The following EED variants were observed in gnomAD, a reference collection of about 807,000 sequenced individuals.
EED encodes polycomb protein EED.
EED carries 9 observed loss-of-function variants against 61.0 expected under a neutral mutation model. The ratio of observed to expected loss-of-function variants is 0.15; its 90% CI spans 0.09 to 0.26. EED has a LOEUF of 0.26. EED is among the 10% of genes least tolerant of loss of function. The probability of loss-of-function intolerance (pLI) is 1.00; values close to 1 mark genes in which losing one functional copy is unlikely to be tolerated. For missense variants in EED, 315 were observed against 542.3 expected, an observed-to-expected ratio of 0.58 and a Z score of 4.16; for synonymous variants, 187 against 174.4, an observed-to-expected ratio of 1.07 and a Z score of -0.57.
At chr11:86,246,318 G>A (rs144571684) in intron 1 of EED, among the ~76,000 whole-genome samples, 2 of 152,336 alleles carry the variant, frequency 1.3e-5, no homozygotes, top group African/African-American at 4.8e-5. Context: ...TCCTTCTCAT[G>A]ATATATAACA....
chr11:86,286,739 G>A, the EED span, among the ~76,000 whole-genome samples: 1 of 151,962 alleles, frequency 6.6e-6, no homozygotes, highest in African/African-American at 2.4e-5. Flanking sequence ...TTGGGAGGCC[G>A]AGGCGGGCAG....
chr11:86,248,954 C>T (rs1004833437), intron 1 of EED, among the ~76,000 whole-genome samples: 2 of 151,952 alleles, frequency 1.3e-5, no homozygotes, highest in South Asian at 2.1e-4. Flanking sequence ...GTGGAGGTTG[C>T]GTTGAACCAA....
At position 86,255,227 on chromosome 11, in the gene EED, C is replaced by T. The variant is rs751817635; in HGVS notation, c.366C>T (p.Thr122=). 2 of 1,606,290 alleles carry T rather than the reference C, an allele frequency of 1.2e-6. No individual in the cohort carries two copies. Among genetic ancestry groups the T allele is most frequent in the Non-Finnish European group, 1.7e-6 (2 of 1,174,412 alleles). The change falls in exon 4 of 12, where the codon ACC becomes ACT. Residue 122 remains threonine (T), a synonymous_variant. Transcript: ENST00000263360. ...VFATVGSNRV[T]LYECHSQGEI... The stretch of plus-strand genomic sequence containing the variant: ...TGTATTTTTATTTTCATTAGGTTAC[C>T]TTGTATGAATGTCATTCACAAGGAG...
chr11:86,282,691 G>C (rs1946337194), downstream of EED, among the ~76,000 whole-genome samples: 1 of 152,074 alleles, frequency 6.6e-6, no homozygotes, highest in Admixed American at 6.5e-5. Flanking sequence ...TGCAGATCAG[G>C]GTGTTTTTTC....
chr11:86,257,185 TTG>T (rs71040223), intron 5 of EED, among the ~76,000 whole-genome samples: 78,401 of 143,196 alleles, frequency 0.55, 22,526 homozygotes, highest in Non-Finnish European at 0.67. Context: ...AATTTTTAAT[TTG>T]TGTGTGTGTG....
intron 9 of EED, among the ~76,000 whole-genome samples, chr11:86,273,888 G>A (rs866644382): frequency 2.0e-5 from 3 of 152,158 alleles, no homozygotes; most frequent in Non-Finnish European, 2.9e-5. Flanking sequence ...GTTTGAGTGC[G>A]ATATGACTTG....
chr11:86,246,401 T>A (rs1945392795), intron 1 of EED, among the ~76,000 whole-genome samples: 1 of 152,256 alleles, frequency 6.6e-6, no homozygotes, highest in African/African-American at 2.4e-5. Flanking sequence ...TTTCTCAGTT[T>A]GGCTAGTTTT....
intron 10 of EED, chr11:86,277,555 A>G (rs761066179): frequency 1.1e-5 from 2 of 181,280 alleles, no homozygotes; most frequent in Admixed American, 6.2e-5. Flanking sequence ...TATTGTTAGG[A>G]TTTTCTGGTA....
chr11:86,287,517 A>G, the EED span, among the ~76,000 whole-genome samples: 2 of 152,202 alleles, frequency 1.3e-5, no homozygotes, highest in Non-Finnish European at 2.9e-5. Flanking sequence ...CTGATGTGGA[A>G]TAAAAAATTG....
chr11:86,257,628 C>A, intron 6 of EED, 32 bp downstream of exon 6: 1 of 1,561,304 alleles, frequency 6.4e-7, no homozygotes, highest in Non-Finnish European at 8.7e-7. Context: ...TGAGTCTGTG[C>A]AATTTGTCAG....
In EED at chr11:86,255,135, G is replaced by T. The variant is rs7950735; in HGVS notation, c.361-87G>T. The T allele has an allele frequency of 0.74, 759,403 of 1,020,108 alleles. 285,062 individuals are homozygous for T. The highest frequency in any genetic ancestry group is 0.78 in the Non-Finnish European group (532,337 of 683,304). 63.2% of individuals were successfully genotyped at this position (1,020,108 alleles called of 1,614,324 possible). On this transcript the variant is annotated intron_variant, in intron 3 of 11. Transcript: ENST00000263360. ...TAGTTTCTGTAGTATATTTAAGATA[G>T]GATTGCGATTAAAATATGTTTAAAA...
intron 5 of EED, among the ~76,000 whole-genome samples, chr11:86,257,245 T>C (rs1945702001): frequency 6.6e-6 from 1 of 151,404 alleles, no homozygotes; most frequent in South Asian, 2.1e-4. Context: ...GCTGCATTGC[T>C]CTGACTGGTC....
intron 10 of EED, chr11:86,277,403 A>G (rs372071327): frequency 1.5e-3 from 423 of 278,042 alleles, no homozygotes; most frequent in South Asian, 9.0e-3. Flanking sequence ...TTTATGTTCC[A>G]TAACATAAAC....
intron 6 of EED, among the ~76,000 whole-genome samples, chr11:86,261,172 A>C (rs1235589981): frequency 2.0e-5 from 3 of 152,218 alleles, no homozygotes; most frequent in Non-Finnish European, 4.4e-5. Context: ...GGGTCTGGGA[A>C]ATCAGGCATC....
intron 1 of EED, among the ~76,000 whole-genome samples, chr11:86,245,728 C>T (rs928818164): frequency 2.0e-5 from 3 of 151,944 alleles, no homozygotes; most frequent in Non-Finnish European, 4.4e-5. Context: ...AGTTAGGGAC[C>T]CTGTTAAAGG....
intron 3 of EED, among the ~76,000 whole-genome samples, chr11:86,252,910 T>A (rs1447329286): frequency 3.9e-5 from 6 of 152,092 alleles, no homozygotes; most frequent in South Asian, 2.1e-4. Flanking sequence ...TGCACTACCA[T>A]CCCTGGCTAA....
At chr11:86,248,539 G>A (rs1197802480) in intron 1 of EED, among the ~76,000 whole-genome samples, 1 of 152,186 alleles carries the variant, frequency 6.6e-6, no homozygotes, top group Non-Finnish European at 1.5e-5. Context: ...CCAGGCAAAT[G>A]TTATACAGTA....
chr11:86,266,419 C>G (rs763284748), intron 8 of EED, among the ~76,000 whole-genome samples: 3 of 152,022 alleles, frequency 2.0e-5, no homozygotes, highest in South Asian at 2.1e-4. Context: ...TTCAAAATCC[C>G]CTTTAAATTG....
the EED span, among the ~76,000 whole-genome samples, chr11:86,285,017 A>G: frequency 6.6e-6 from 1 of 152,244 alleles, no homozygotes; most frequent in Non-Finnish European, 1.5e-5. Flanking sequence ...AGGATGAAGC[A>G]TGAGAATCAC....
Sources: gnomAD v4.1 joint callset for allele counts (sites outside exome capture counted in the v4.1 genomes callset) on GRCh38, gnomAD v4.1.1 for gene constraint, MANE v1.5 for transcripts, NCBI Gene and HGNC (gene_info 2026-07-23, HGNC 2026-07-21) for gene names.